The following COG5 variants were observed in gnomAD, a reference collection of about 807,000 sequenced individuals.
COG5 encodes component of oligomeric golgi complex 5.
COG5 carries 86 observed loss-of-function variants against 110.4 expected under a neutral mutation model. That is an observed-to-expected ratio of 0.78 (90% CI 0.65 to 0.93). COG5 has a LOEUF of 0.93. Ranked by LOEUF, COG5 falls within the 40% of genes least tolerant of loss-of-function variation. The pLI is 0.00. For synonymous variants in COG5, 360 were observed against 334.6 expected (o/e 1.08, Z -0.83); for missense variants, 1,077 against 987.0 (o/e 1.09, Z -1.22).
intron 6 of COG5, among the ~76,000 whole-genome samples, chr7:107,454,493 A>G (rs1425530205): frequency 1.3e-5 from 2 of 152,220 alleles, no homozygotes; most frequent in Non-Finnish European, 1.5e-5. Context: ...CTTATTCTTT[A>G]AAGTATTTTT....
chr7:107,315,163 T>TA (rs1562964748), intron 11 of COG5, among the ~76,000 whole-genome samples: 1 of 152,230 alleles, frequency 6.6e-6, no homozygotes, highest in Non-Finnish European at 1.5e-5. Context: ...CTAATCTTTT[T>TA]TTTTTTTTTA....
intron 11 of COG5, among the ~76,000 whole-genome samples, chr7:107,320,488 C>T (rs577176689): frequency 2.8e-4 from 43 of 152,196 alleles, no homozygotes; most frequent in African/African-American, 1.0e-3. Flanking sequence ...TTGTTTTGTT[C>T]GATTGAATTT....
At chr7:107,562,972 T>C (rs1002705732) in intron 1 of COG5, among the ~76,000 whole-genome samples, 13 of 152,118 alleles carry the variant, frequency 8.5e-5, no homozygotes, top group Non-Finnish European at 1.6e-4. Context: ...TTAAAACAAG[T>C]ATACAAATGA....
intron 10 of COG5, among the ~76,000 whole-genome samples, chr7:107,360,115 G>A (rs76320401): frequency 0.13 from 19,211 of 150,330 alleles, 1,584 homozygotes; most frequent in East Asian, 0.33. Context: ...CATGGATGTC[G>A]GGATGACCAG....
chr7:107,308,024 T>C (rs1396962237), intron 11 of COG5, among the ~76,000 whole-genome samples: 2 of 152,224 alleles, frequency 1.3e-5, no homozygotes, highest in Non-Finnish European at 2.9e-5. Context: ...ATGCTTTGTT[T>C]GATTTAGGAT....
chr7:107,328,672 A>G (rs1220924770), intron 10 of COG5, among the ~76,000 whole-genome samples: 1 of 152,198 alleles, frequency 6.6e-6, no homozygotes, highest in Non-Finnish European at 1.5e-5. Flanking sequence ...ATTCTAATAC[A>G]CATTTTAGTA....
chr7:107,343,278 G>T (rs1811320038), intron 10 of COG5, among the ~76,000 whole-genome samples: 1 of 152,128 alleles, frequency 6.6e-6, no homozygotes, highest in South Asian at 2.1e-4. Context: ...CTCACTACCT[G>T]GGGATGGGAT....
At chr7:107,535,042 A>T (rs1238523302) in intron 5 of COG5, among the ~76,000 whole-genome samples, 1 of 151,662 alleles carries the variant, frequency 6.6e-6, no homozygotes, top group Non-Finnish European at 1.5e-5. Context: ...ACTATATAGA[A>T]ACTGAACAAC....
chr7:107,242,373 G>T (rs1819948895), intron 17 of COG5, among the ~76,000 whole-genome samples: 1 of 152,138 alleles, frequency 6.6e-6, no homozygotes, highest in Non-Finnish European at 1.5e-5. Flanking sequence ...AGTCTACTAG[G>T]GACTGGAATG....
intron 21 of COG5, chr7:107,209,198 C>T: frequency 3.0e-6 from 3 of 985,378 alleles, no homozygotes; most frequent in Non-Finnish European, 3.6e-6. Context: ...ATTGGGATCC[C>T]CTGGGAGAGT....
chr7:107,513,173 T>A (rs1160300026), intron 6 of COG5, among the ~76,000 whole-genome samples: 1 of 152,162 alleles, frequency 6.6e-6, no homozygotes, highest in East Asian at 1.9e-4. Flanking sequence ...ATATCCAGAA[T>A]CTACAATGAA....
intron 12 of COG5, among the ~76,000 whole-genome samples, chr7:107,286,246 A>G (rs1288436022): frequency 6.6e-6 from 1 of 152,180 alleles, no homozygotes; most frequent in Middle Eastern, 3.2e-3. Flanking sequence ...AATATCAGAG[A>G]AAACAGATGG....
In COG5 at chr7:107,274,888, A is replaced by G. The variant is rs150797114; in HGVS notation, c.1575+6412T>C. On this transcript the variant is annotated intron_variant, in intron 14 of 21. Transcript: ENST00000297135. ...TCTTAGTCCTGACAGTTCATCTAGT[A>G]TTGACTTGCCACAGCCCCCAGAAAA... Among the ~76,000 whole-genome samples, 112 of 152,226 alleles carry G rather than the reference A, an allele frequency of 7.4e-4. No individual in the cohort carries two copies. The Middle Eastern group carries it at 0.014, about 18-fold the overall frequency.
At chr7:107,348,388 T>A (rs1045785096) in intron 10 of COG5, among the ~76,000 whole-genome samples, 4 of 152,118 alleles carry the variant, frequency 2.6e-5, no homozygotes, top group Non-Finnish European at 4.4e-5. Flanking sequence ...CCTTGAAAGT[T>A]TGGTAGAATT....
At chr7:107,512,364 G>C (rs1799584949) in intron 6 of COG5, among the ~76,000 whole-genome samples, 1 of 152,172 alleles carries the variant, frequency 6.6e-6, no homozygotes, top group Admixed American at 6.5e-5. Context: ...TCTTCAAGGA[G>C]AACTACAAGC....
chr7:107,419,164 T>C (rs1336845377), intron 6 of COG5, among the ~76,000 whole-genome samples: 1 of 152,120 alleles, frequency 6.6e-6, no homozygotes, highest in Non-Finnish European at 1.5e-5. Flanking sequence ...GAAAACACAG[T>C]AAAATAAAAT....
chr7:107,479,721 C>A (rs1357787588), intron 6 of COG5, among the ~76,000 whole-genome samples: 1 of 152,008 alleles, frequency 6.6e-6, no homozygotes, highest in Non-Finnish European at 1.5e-5. Context: ...TCTGGCAAGG[C>A]GGAAAACTCA....
chr7:107,286,266 T>C (rs949414608), intron 12 of COG5, among the ~76,000 whole-genome samples: 6 of 152,202 alleles, frequency 3.9e-5, no homozygotes, highest in Non-Finnish European at 7.3e-5. Flanking sequence ...GACGTCATGT[T>C]AGGCTTTGCA....
chr7:107,250,517 C>T (rs1802423171), intron 16 of COG5, among the ~76,000 whole-genome samples: 1 of 151,868 alleles, frequency 6.6e-6, no homozygotes, highest in African/African-American at 2.4e-5. Context: ...AATTACTACA[C>T]ATATAAAATG....
Sources: gnomAD v4.1 joint callset for allele counts (sites outside exome capture counted in the v4.1 genomes callset) on GRCh38, gnomAD v4.1.1 for gene constraint, MANE v1.5 for transcripts, NCBI Gene and HGNC (gene_info 2026-07-23, HGNC 2026-07-21) for gene names.